ABCB1: variants seen among roughly 807,000 people sequenced by gnomAD.
ABCB1 encodes the protein ATP-dependent translocase ABCB1.
ABCB1 carries 69 observed loss-of-function variants against 142.0 expected under a neutral mutation model. The ratio of observed to expected loss-of-function variants is 0.49; its 90% CI spans 0.40 to 0.59. ABCB1 has a LOEUF of 0.59. ABCB1 is among the 20% of genes least tolerant of loss of function. The pLI is 0.00. For synonymous variants in ABCB1, 532 were observed against 539.2 expected (o/e 0.99, Z 0.18); for missense variants, 1,326 against 1,554.7 (o/e 0.85, Z 2.47).
At chr7:87,705,103 C>T (rs1307092498) in intron 1 of ABCB1, among the ~76,000 whole-genome samples, 1 of 152,100 alleles carries the variant, frequency 6.6e-6, no homozygotes, top group Non-Finnish European at 1.5e-5. Context: ...AGCTTGTCAC[C>T]ATGGACAATC....
At chr7:87,518,292 C>T (rs1240186188) in intron 23 of ABCB1, among the ~76,000 whole-genome samples, 1 of 152,184 alleles carries the variant, frequency 6.6e-6, no homozygotes, top group Non-Finnish European at 1.5e-5. Flanking sequence ...TCAGACAGGT[C>T]TTCCTTTTCC....
At chr7:87,697,673 C>T (rs1828608781) in intron 1 of ABCB1, among the ~76,000 whole-genome samples, 1 of 152,216 alleles carries the variant, frequency 6.6e-6, no homozygotes, top group African/African-American at 2.4e-5. Context: ...TAATAATTAA[C>T]ACTTATTTTG....
In ABCB1 at chr7:87,566,934, A is replaced by G; in HGVS notation, c.381T>C (p.Val127=). ...YYSGIGAGVL[V]AAYIQVSFWC... ...AAAATGAAACCTGAATGTAAGCAGC[A>G]ACCAGCACCCCAGCACCAATTCCAC... Residue 127 remains valine (V), a synonymous_variant, in exon 6 of 28, where the codon GTT becomes GTC. Transcript: ENST00000622132. The G allele has an allele frequency of 3.1e-6, 5 of 1,614,180 alleles. No individual in the cohort carries two copies. In the South Asian group the frequency reaches 4.4e-5, roughly 14 times the overall value.
intron 19 of ABCB1, among the ~76,000 whole-genome samples, chr7:87,537,332 G>A (rs1193187957): frequency 6.6e-6 from 1 of 152,200 alleles, no homozygotes; most frequent in African/African-American, 2.4e-5. Context: ...TGAGCTACAG[G>A]CAGCCTTCAG....
chr7:87,699,248 T>C (rs1401810714), intron 1 of ABCB1, among the ~76,000 whole-genome samples: 1 of 152,044 alleles, frequency 6.6e-6, no homozygotes, highest in Non-Finnish European at 1.5e-5. Context: ...TATTTCAAAA[T>C]ATGAAAGCAA....
At chr7:87,644,764 G>GAT (rs147569892) in intron 1 of ABCB1, among the ~76,000 whole-genome samples, 8,246 of 150,996 alleles carry the variant, frequency 0.055, 294 homozygotes, top group Non-Finnish European at 0.086. Context: ...TGTATATATG[G>GAT]ATATATATAT....
chr7:87,569,592 C>G (rs1438984827), intron 5 of ABCB1, among the ~76,000 whole-genome samples: 1 of 152,018 alleles, frequency 6.6e-6, no homozygotes, highest in Non-Finnish European at 1.5e-5. Context: ...AAAAAAATTT[C>G]TTTTGGCTGC....
chr7:87,703,885 C>CTTTTTTTTTTTTT lies in ABCB1; in HGVS notation c.-331+9263_-331+9275dup. On this transcript the variant is annotated intron_variant, in intron 1 of 28. Transcript: ENST00000265724. ...CTTAGGTGAGCTTTATCAGTTTTTTCTTTTTTTTTTTTTTTTTTTTTTTTT... is the reference window on the plus strand; with the variant it reads ...CTTAGGTGAGCTTTATCAGTTTTTTCTTTTTTTTTTTTTTTTTTTTTTTTTTTTTTTTTTTTTT... Among the ~76,000 whole-genome samples the CTTTTTTTTTTTTT allele has an allele frequency of 9.1e-4, 55 of 60,244 alleles. 1 individual carries two copies. Among genetic ancestry groups the CTTTTTTTTTTTTT allele is most frequent in the Non-Finnish European group, 1.1e-3 (34 of 31,574 alleles). 39.5% of individuals were successfully genotyped at this position (60,244 alleles called of 152,430 possible).
chr7:87,505,778 T>C, intron 27 of ABCB1, 119 bp downstream of exon 27: 1 of 1,244,450 alleles, frequency 8.0e-7, no homozygotes, highest in Non-Finnish European at 1.2e-6. Flanking sequence ...TACATTTTAC[T>C]GAAAGGTGAT....
chr7:87,675,549 T>G (rs932012251), intron 1 of ABCB1, among the ~76,000 whole-genome samples: 1 of 150,208 alleles, frequency 6.7e-6, no homozygotes, highest in African/African-American at 2.5e-5. Flanking sequence ...AATTAATGTA[T>G]GCATATTATG....
At chr7:87,593,520 T>C (rs1819078857) in intron 3 of ABCB1, among the ~76,000 whole-genome samples, 1 of 152,222 alleles carries the variant, frequency 6.6e-6, no homozygotes, top group Non-Finnish European at 1.5e-5. Flanking sequence ...TAGAAAGGCC[T>C]GTATACAAAG....
intron 25 of ABCB1, among the ~76,000 whole-genome samples, chr7:87,513,825 A>C (rs1228857739): frequency 6.6e-6 from 1 of 152,222 alleles, no homozygotes; most frequent in African/African-American, 2.4e-5. Flanking sequence ...CCTACAATTC[A>C]TTATAGCACA....
chr7:87,536,677 C>T, intron 19 of ABCB1, 136 bp from the exon 20 acceptor site: 1 of 749,460 alleles, frequency 1.3e-6, no homozygotes, highest in Non-Finnish European at 2.3e-6. Context: ...ATTCAATACA[C>T]AAGAAAGAAA....
At chr7:87,628,584 C>CGTGCGTGCGTGT (rs1468348829) in intron 1 of ABCB1, 6 of 290,668 alleles carry the variant, frequency 2.1e-5, no homozygotes, top group African/African-American at 1.2e-4. Flanking sequence ...TGCGTGCGTG[C>CGTGCGTGCGTGT]GTGTGTGTGT....
intron 1 of ABCB1, chr7:87,629,048 CA>C: frequency 9.0e-7 from 1 of 1,107,564 alleles, no homozygotes; most frequent in Non-Finnish European, 1.2e-6. Context: ...GGCTGCCGCC[CA>C]GTGCCCCCGC....
At chr7:87,627,218 C>T (rs1300845794) in intron 1 of ABCB1, among the ~76,000 whole-genome samples, 2 of 152,064 alleles carry the variant, frequency 1.3e-5, no homozygotes, top group Admixed American at 6.5e-5. Flanking sequence ...ATTACACAAA[C>T]GTGCGTTGTT....
chr7:87,556,886 G>A (rs556746848), intron 8 of ABCB1, among the ~76,000 whole-genome samples: 1 of 150,122 alleles, frequency 6.7e-6, no homozygotes, highest in South Asian at 2.1e-4. Flanking sequence ...TCATTCAACT[G>A]AGCTTCAGTC....
chr7:87,546,042 T>C lies in ABCB1; in HGVS notation c.1726-18A>G. The stretch of plus-strand genomic sequence containing the variant: ...TTTCTGGCCTAAAGAGAGAGAAATT[T>C]GGTTTTTGAATACATTAACAATTAC... On this transcript the variant is annotated intron_variant, in intron 14 of 27. Coordinates refer to ENST00000622132, the MANE Select transcript of ABCB1 (RefSeq NM_001348946.2). 1 of 1,614,026 alleles carries C rather than the reference T, an allele frequency of 6.2e-7. No homozygotes were observed. The highest frequency in any genetic ancestry group is 1.7e-5 in the Admixed American group (1 of 60,028).
At position 87,585,076 on chromosome 7, in the gene ABCB1, C is replaced by T. The variant is rs28381827; in HGVS notation, c.286+436G>A. Among the ~76,000 whole-genome samples the T allele has an allele frequency of 0.048, 7,250 of 152,026 alleles. 328 individuals are homozygous for T. The highest frequency in any genetic ancestry group is 0.12 in the East Asian group (631 of 5,160). Reference sequence around the variant, plus strand: ...GGATTTATTGCTCAAATCCACTCTCCTTCTCCATCTCTCATTTCTGTTGAT... The same window carrying T: ...GGATTTATTGCTCAAATCCACTCTCTTTCTCCATCTCTCATTTCTGTTGAT... On this transcript the variant is annotated intron_variant, in intron 4 of 27. Coordinates refer to ENST00000622132, the MANE Select transcript of ABCB1 (RefSeq NM_001348946.2).
Sources: allele counts gnomAD v4.1 joint callset (sites outside exome capture counted in the v4.1 genomes callset), GRCh38; gene constraint gnomAD v4.1.1; transcripts MANE v1.5; gene names NCBI Gene and HGNC (gene_info 2026-07-23, HGNC 2026-07-21).